The following FAM135B variants were observed in gnomAD, a reference collection of about 807,000 sequenced individuals.
FAM135B encodes the protein family with sequence similarity 135 member B.
FAM135B carries 43 observed loss-of-function variants against 127.7 expected under a neutral mutation model. The ratio of observed to expected loss-of-function variants is 0.34; its 90% CI spans 0.26 to 0.43. The LOEUF is 0.43. Ranked by LOEUF, FAM135B falls within the 20% of genes least tolerant of loss-of-function variation. The pLI is 1.00. For synonymous variants in FAM135B, 670 were observed against 665.1 expected (o/e 1.01, Z -0.11); for missense variants, 1,558 against 1,725.6 (o/e 0.90, Z 1.72).
chr8:138,302,749 A>T (rs889771327), intron 3 of FAM135B, among the ~76,000 whole-genome samples: 2 of 152,192 alleles, frequency 1.3e-5, no homozygotes, highest in Non-Finnish European at 2.9e-5. Flanking sequence ...TAATTGCCAC[A>T]CAATCTCTCT....
intron 2 of FAM135B, among the ~76,000 whole-genome samples, chr8:138,344,520 AC>A (rs1006680545): frequency 3.3e-5 from 5 of 150,538 alleles, no homozygotes; most frequent in African/African-American, 1.2e-4. Context: ...GTCCTCAAAG[AC>A]GCTTTTCCGA....
intron 4 of FAM135B, among the ~76,000 whole-genome samples, chr8:138,260,111 T>G (rs937234981): frequency 6.6e-6 from 1 of 152,216 alleles, no homozygotes. Context: ...GATACTTTAC[T>G]GCCTCCTACT....
chr8:138,430,717 G>C (rs1835149078), intron 1 of FAM135B, among the ~76,000 whole-genome samples: 1 of 152,204 alleles, frequency 6.6e-6, no homozygotes, highest in Admixed American at 6.5e-5. Flanking sequence ...TCCCAGTGGG[G>C]CTGTGATAAA....
chr8:138,243,022 C>T lies in FAM135B; in HGVS notation c.589G>A (p.Asp197Asn). The T allele has an allele frequency of 1.9e-6, 3 of 1,613,746 alleles. No individual in the cohort carries two copies. The highest frequency in any genetic ancestry group is 2.7e-5 in the African/African-American group (2 of 75,022). The change falls in exon 7 of 20, where the codon GAC (aspartate) becomes AAC (asparagine). Residue 197 changes from aspartate to asparagine, a missense_variant. Asp to Asn is a conservative substitution (Grantham distance 23). This residue lies in a region of FAM135B where 127 missense variants were observed against 109.7 expected (regional missense o/e 1.16). Transcript: ENST00000395297. The surrounding 1 kb of genome is among the most constrained non-coding windows in gnomAD (Gnocchi z 7.5). ...RGSWLGKGGP[D>N]TGQEQSIISL... is the part of the protein sequence containing the mutation. Reference sequence around the variant, plus strand: ...ATGATAGACTGTTCTTGTCCGGTGTCTGGGCCACCTTTACCAAGCCAGGAG... The same window carrying T: ...ATGATAGACTGTTCTTGTCCGGTGTTTGGGCCACCTTTACCAAGCCAGGAG...
At chr8:138,447,892 T>C (rs1836279899) in intron 1 of FAM135B, among the ~76,000 whole-genome samples, 1 of 151,902 alleles carries the variant, frequency 6.6e-6, no homozygotes, top group Admixed American at 6.6e-5. Context: ...GAAGCTGTTT[T>C]GAATATCAGT....
intron 2 of FAM135B, among the ~76,000 whole-genome samples, chr8:138,337,868 G>A (rs954809482): frequency 6.6e-6 from 1 of 152,080 alleles, no homozygotes; most frequent in African/African-American, 2.4e-5. Flanking sequence ...ATACTGCAAG[G>A]CTACAGTAAC....
chr8:138,163,638 C>T (rs548743936), intron 12 of FAM135B, among the ~76,000 whole-genome samples: 17 of 152,102 alleles, frequency 1.1e-4, no homozygotes, highest in Non-Finnish European at 1.8e-4. Context: ...GTAAGACGTG[C>T]GTTTCACCTT....
At chr8:138,322,874 C>T (rs1238112199) in intron 2 of FAM135B, among the ~76,000 whole-genome samples, 1 of 152,110 alleles carries the variant, frequency 6.6e-6, no homozygotes, top group Non-Finnish European at 1.5e-5. Flanking sequence ...AAACTCCGCC[C>T]TAGCAGGAAG....
At chr8:138,493,428 C>T (rs892233682) in intron 1 of FAM135B, among the ~76,000 whole-genome samples, 2 of 152,104 alleles carry the variant, frequency 1.3e-5, no homozygotes, top group African/African-American at 4.8e-5. Flanking sequence ...TGGGGCATTT[C>T]AAAAAATTCT....
At chr8:138,461,845 G>A (rs750155727) in intron 1 of FAM135B, among the ~76,000 whole-genome samples, 1 of 152,130 alleles carries the variant, frequency 6.6e-6, no homozygotes, top group Non-Finnish European at 1.5e-5. Context: ...ACTCAAAAAT[G>A]CTGATCTTCT....
At chr8:138,215,810 T>C (rs118040069) in intron 7 of FAM135B, among the ~76,000 whole-genome samples, 1,639 of 152,288 alleles carry the variant, frequency 0.011, 16 homozygotes, top group South Asian at 0.021. Flanking sequence ...GCTCAGATCC[T>C]ACAAGTGATG....
At position 138,369,061 on chromosome 8, in the gene FAM135B, C is replaced by G. The variant is rs1336006343; in HGVS notation, c.-19-1059G>C. 3.3e-5 allele frequency among the ~76,000 whole-genome samples: 5 copies of G among 152,094 alleles called. No individual in the cohort carries two copies. The East Asian group carries it at 9.7e-4, about 29-fold the overall frequency. On this transcript the variant is annotated intron_variant, in intron 1 of 19. Coordinates refer to ENST00000395297, the MANE Select transcript of FAM135B (RefSeq NM_015912.4). ...ACTCTGGAATGTGCTGGTGGTGTGG[C>G]CTTTGGTAAGATCCTCCCATTCTCC... is the stretch of plus-strand genomic sequence containing the variant.
chr8:138,340,659 C>T (rs955136784), intron 2 of FAM135B, among the ~76,000 whole-genome samples: 1 of 152,248 alleles, frequency 6.6e-6, no homozygotes, highest in East Asian at 1.9e-4. Flanking sequence ...CCCAGCTCCT[C>T]AGCCTGGCAC....
chr8:138,329,342 T>C (rs1009433655), intron 2 of FAM135B, among the ~76,000 whole-genome samples: 14 of 152,214 alleles, frequency 9.2e-5, no homozygotes, highest in African/African-American at 3.4e-4. Context: ...TAACCCTGAA[T>C]CATGATTCCC....
intron 2 of FAM135B, among the ~76,000 whole-genome samples, chr8:138,341,962 A>G (rs912774818): frequency 2.0e-5 from 3 of 152,098 alleles, no homozygotes; most frequent in Admixed American, 2.0e-4. Flanking sequence ...GCAGGGAGTA[A>G]AAGTCACTTA....
chr8:138,145,654 G>A (rs563206701), intron 15 of FAM135B, among the ~76,000 whole-genome samples: 10 of 152,312 alleles, frequency 6.6e-5, no homozygotes, highest in African/African-American at 1.9e-4. Flanking sequence ...GCAGAACTGA[G>A]CGCCAACAGT....
At chr8:138,252,232 C>T (rs1400600046) in intron 5 of FAM135B, among the ~76,000 whole-genome samples, 1 of 152,180 alleles carries the variant, frequency 6.6e-6, no homozygotes, top group Non-Finnish European at 1.5e-5. Flanking sequence ...ATGGTACTTT[C>T]CCCTTTACTC....
At position 138,178,580 on chromosome 8, in the gene FAM135B, G is replaced by T; in HGVS notation, c.984C>A (p.His328Gln). The change falls in exon 10 of 20, where the codon CAC becomes CAA. Residue 328 changes from histidine (H) to glutamine (Q), a missense_variant. Physicochemically the swap from His to Gln is conservative, Grantham distance 24. Around this residue, in one of 5 missense-constraint regions of FAM135B, gnomAD observed 115 missense variants for 171.1 expected, o/e 0.67. Coordinates refer to ENST00000395297, the MANE Select transcript of FAM135B (RefSeq NM_015912.4). ...GGGTGAGATAAGTGGTCACTTGGGA[G>T]TGCAGAGTGACTGTGTCCAGGAACT... ...WTQFLDTVTL[H>Q]SQVTTYLTQE... 4 of 1,614,092 alleles carry T rather than the reference G, an allele frequency of 2.5e-6. No individual in the cohort carries two copies. Among genetic ancestry groups the T allele is most frequent in the Non-Finnish European group, 3.4e-6 (4 of 1,180,024 alleles).
chr8:138,196,549 G>A (rs574280795), intron 8 of FAM135B, among the ~76,000 whole-genome samples: 9 of 152,132 alleles, frequency 5.9e-5, no homozygotes, highest in Non-Finnish European at 7.3e-5. Flanking sequence ...AATTTTTTAC[G>A]TGATGATTTC....
Sources: gnomAD v4.1 joint callset for allele counts (sites outside exome capture counted in the v4.1 genomes callset) on GRCh38, gnomAD v4.1.1 for gene constraint, gnomAD v4.1.1 regional missense constraint, Gnocchi (gnomAD v3.1) non-coding constraint, MANE v1.5 for transcripts, NCBI Gene and HGNC (gene_info 2026-07-23, HGNC 2026-07-21) for gene names.